Variants in COL4A2 observed in about 807,000 individuals in gnomAD.
COL4A2 encodes the protein collagen alpha-2(IV) chain.
COL4A2 carries 99 observed loss-of-function variants against 200.2 expected under a neutral mutation model. That is an observed-to-expected ratio of 0.49 (90% CI 0.42 to 0.58). The LOEUF (loss-of-function observed/expected upper bound fraction) is 0.58, where lower values mean the gene tolerates loss of function less well. Among genes scored for constraint, COL4A2 ranks in the 20% least tolerant of loss-of-function variants. COL4A2 has a pLI of 0.00. For synonymous variants in COL4A2, 897 were observed against 900.6 expected, an observed-to-expected ratio of 1.00 and a Z score of 0.07; for missense variants, 1,950 against 2,314.1, an observed-to-expected ratio of 0.84 and a Z score of 3.23.
rs374754168 is a variant in COL4A2, at chr13:110,458,824, C to T, written c.1486C>T (p.Pro496Ser). The T allele has an allele frequency of 6.8e-6, 11 of 1,613,820 alleles. No homozygotes were observed. In the African/African-American group the frequency reaches 1.1e-4, roughly 16 times the overall value. The change falls in exon 22 of 48, where the codon CCG becomes TCG. Residue 496 changes from proline (P) to serine (S), a missense_variant. By Grantham distance (74) the Pro-to-Ser change is moderately conservative. Coordinates refer to ENST00000360467, the MANE Select transcript of COL4A2 (RefSeq NM_001846.4). ...AGGCGACGAAGCTATCAAAGGTCTT[C>T]CGGGACTGCCAGGACCCAAGGGCTT... ...TEGDEAIKGL[P>S]GLPGPKGFAG...
At chr13:110,438,804 C>CA (rs1566533512) in intron 15 of COL4A2, 136 bp downstream of exon 15, 9 of 650,626 alleles carry the variant, frequency 1.4e-5, no homozygotes, top group African/African-American at 2.6e-5. Flanking sequence ...TACTCCCCAC[C>CA]CCCCCCCACA....
At chr13:110,452,557 T>C (rs1214031597) in intron 20 of COL4A2, among the ~76,000 whole-genome samples, 5 of 152,252 alleles carry the variant, frequency 3.3e-5, no homozygotes, top group Non-Finnish European at 5.9e-5. Flanking sequence ...CAATGTCTTC[T>C]ATTTAAAAGG....
chr13:110,469,155 A>G, intron 27 of COL4A2, 62 bp from the exon 28 acceptor site: 1 of 1,538,684 alleles, frequency 6.5e-7, no homozygotes, highest in East Asian at 2.4e-5. Context: ...GATGCCAAGC[A>G]TGACCATGCC....
chr13:110,321,440 C>T (rs968049714), intron 3 of COL4A2, among the ~76,000 whole-genome samples: 6 of 152,152 alleles, frequency 3.9e-5, no homozygotes, highest in Admixed American at 1.3e-4. Context: ...AGAACTTGCT[C>T]ATCATCCTAA....
intron 3 of COL4A2, among the ~76,000 whole-genome samples, chr13:110,316,071 C>T (rs767464475): frequency 6.6e-6 from 1 of 152,058 alleles, no homozygotes; most frequent in Non-Finnish European, 1.5e-5. Flanking sequence ...GCATTTTTTC[C>T]TAGGGATTGT....
In COL4A2 at chr13:110,425,762, G is replaced by T. The variant is rs539148505; in HGVS notation, c.360+765G>T. 8.5e-5 allele frequency among the ~76,000 whole-genome samples: 13 copies of T among 152,290 alleles called. No individual in the cohort carries two copies. The East Asian group carries it at 2.5e-3, about 29-fold the overall frequency. ...GTTCTGTATCACCACACACGCACAC[G>T]CACAGGGAGAGAGACTCCATTCCCA... On this transcript the variant is annotated intron_variant, in intron 6 of 47. Coordinates refer to ENST00000360467, the MANE Select transcript of COL4A2 (RefSeq NM_001846.4).
At chr13:110,308,889 G>C (rs6492260) in intron 3 of COL4A2, among the ~76,000 whole-genome samples, 9,173 of 152,294 alleles carry the variant, frequency 0.06, 300 homozygotes, top group Middle Eastern at 0.075. Context: ...AGGTTTGGTA[G>C]GTGAATTCGG....
intron 3 of COL4A2, among the ~76,000 whole-genome samples, chr13:110,323,576 C>T (rs1053215540): frequency 6.6e-6 from 1 of 152,232 alleles, no homozygotes; most frequent in Non-Finnish European, 1.5e-5. Flanking sequence ...GCAGGATGCC[C>T]AGTGCCAGCT....
chr13:110,356,756 G>A (rs542851909), intron 3 of COL4A2, among the ~76,000 whole-genome samples: 1 of 144,406 alleles, frequency 6.9e-6, no homozygotes, highest in African/African-American at 2.5e-5. Flanking sequence ...TTGGCATCGG[G>A]CAGTTTATAG....
chr13:110,376,631 G>A (rs750598), intron 4 of COL4A2, among the ~76,000 whole-genome samples: 53,806 of 152,086 alleles, frequency 0.35, 9,652 homozygotes, highest in East Asian at 0.45. Flanking sequence ...CTCTCACGCT[G>A]TAATGTGCCT....
intron 4 of COL4A2, among the ~76,000 whole-genome samples, chr13:110,422,724 G>A (rs1343899678): frequency 6.6e-6 from 1 of 152,166 alleles, no homozygotes; most frequent in Non-Finnish European, 1.5e-5. Flanking sequence ...TAATCTGCAT[G>A]GATAGCTTCC....
rs1462660909 is a variant in COL4A2 at position 110,492,815 on chromosome 13, T to C, written c.3563-396T>C. Among the ~76,000 whole-genome samples the C allele has an allele frequency of 2.0e-5, 3 of 152,218 alleles. No individual in the cohort carries two copies. The East Asian group carries it at 5.8e-4, about 29-fold the overall frequency. ...TAAAAAGATTCTATGAAGACAGTGT[T>C]CCAGTTCAATGGTGTTCCTAGGTAA... On this transcript the variant is annotated intron_variant, in intron 38 of 47. Transcript: ENST00000360467.
At chr13:110,498,519 T>C (rs1883535082) in intron 40 of COL4A2, among the ~76,000 whole-genome samples, 1 of 152,180 alleles carries the variant, frequency 6.6e-6, no homozygotes, top group Non-Finnish European at 1.5e-5. Context: ...TGTATGACCA[T>C]GCATTGTTAA....
In COL4A2 at chr13:110,308,134, G is replaced by A; in HGVS notation, c.99+11G>A. ...CAGAGCGTCTTGGCGGTAAGTCCTG[G>A]CTCCCGCGCTTGGACTTGCGCGCCC... is the stretch of plus-strand genomic sequence containing the variant. On this transcript the variant is annotated intron_variant, in intron 3 of 47. Coordinates refer to ENST00000360467, the MANE Select transcript of COL4A2 (RefSeq NM_001846.4). The A allele has an allele frequency of 1.9e-6, 3 of 1,613,380 alleles. No homozygotes were observed. The highest frequency in any genetic ancestry group is 2.5e-6 in the Non-Finnish European group (3 of 1,179,940).
intron 4 of COL4A2, among the ~76,000 whole-genome samples, chr13:110,416,545 G>A (rs1338767765): frequency 6.6e-6 from 1 of 152,178 alleles, no homozygotes; most frequent in Non-Finnish European, 1.5e-5. Flanking sequence ...AATATAAAAA[G>A]TTTGGGCTAA....
chr13:110,383,898 C>T (rs1878587473), intron 4 of COL4A2, among the ~76,000 whole-genome samples: 1 of 152,028 alleles, frequency 6.6e-6, no homozygotes, highest in African/African-American at 2.4e-5. Context: ...AGGCATGAGC[C>T]ACTGCGCCTG....
chr13:110,430,179 C>A, intron 8 of COL4A2: 2 of 668,584 alleles, frequency 3.0e-6, no homozygotes, highest in Non-Finnish European at 4.4e-6. Flanking sequence ...TACTCCAAGC[C>A]AAATTAGTAC....
In COL4A2 at chr13:110,461,948, G is replaced by T. The variant is rs1882041940; in HGVS notation, c.1597-166G>T. The stretch of plus-strand genomic sequence containing the variant: ...GCCAGTGGCCCCACACTGGACAGCT[G>T]GATGGGGGCGTATCCAGCATCGCAG... On this transcript the variant is annotated intron_variant, in intron 22 of 47. Transcript: ENST00000360467. 6 of 976,116 alleles carry T rather than the reference G, an allele frequency of 6.1e-6. No homozygotes were observed. The Admixed American group carries it at 1.2e-4, about 20-fold the overall frequency. 60.5% of individuals were successfully genotyped at this position (976,116 alleles called of 1,614,324 possible). A position where few individuals can be genotyped will look rare whatever the true frequency, so the allele number is the denominator to read the frequency against.
chr13:110,457,767 T>C (rs1881831548), intron 21 of COL4A2: 1 of 495,318 alleles, frequency 2.0e-6, no homozygotes, highest in Non-Finnish European at 4.1e-6. Context: ...ACTCAGGTAG[T>C]GTCTCAAGGG....
Sources: gnomAD v4.1 joint callset for allele counts (sites outside exome capture counted in the v4.1 genomes callset) on GRCh38, gnomAD v4.1.1 for gene constraint, MANE v1.5 for transcripts, NCBI Gene and HGNC (gene_info 2026-07-23, HGNC 2026-07-21) for gene names.